Variants in IPO13 observed in about 807,000 individuals in gnomAD.
IPO13 encodes the protein importin 13.
IPO13 carries 28 observed loss-of-function variants against 115.5 expected under a neutral mutation model. The ratio of observed to expected loss-of-function variants is 0.24; its 90% CI spans 0.18 to 0.33. The LOEUF (loss-of-function observed/expected upper bound fraction) is 0.33. IPO13 is among the 10% of genes least tolerant of loss of function. IPO13 has a pLI of 1.00. For synonymous variants in IPO13, 414 were observed against 478.9 expected, an observed-to-expected ratio of 0.86 and a Z score of 1.77; for missense variants, 785 against 1,204.6, an observed-to-expected ratio of 0.65 and a Z score of 5.16.
In IPO13 at chr1:43,956,751, G is replaced by A. The variant is rs1327089156; in HGVS notation, c.1104+50G>A. On this transcript the variant is annotated intron_variant, in intron 4 of 19. Transcript: ENST00000372343. This position sits in a 1 kb window ranked among gnomAD's most constrained non-coding sequence, Gnocchi z 4.7. ...GACTGGGCTGTGGTGGAAGAAGGTG[G>A]ATCATGGGCTTCTATGACTGCTGGT... is the stretch of plus-strand genomic sequence containing the variant. The A allele has an allele frequency of 6.2e-7, 1 of 1,613,716 alleles. No individual in the cohort carries two copies. The highest frequency in any genetic ancestry group is 1.7e-5 in the Admixed American group (1 of 60,020).
rs2085248208 is a variant in IPO13 at position 43,956,351 on chromosome 1, C to T, written c.853C>T (p.Leu285=). ...GAACACACTCCTGAAACTCATCCCG[C>T]TGGTGCTGGGTCTGCAGGAACAACT... The part of the protein sequence containing the change: ...YVNTLLKLIP[L]VLGLQEQLRQ... The change falls in exon 3 of 20, where the codon CTG becomes TTG. Residue 285 remains leucine (L), a synonymous_variant. Coordinates refer to ENST00000372343, the MANE Select transcript of IPO13 (RefSeq NM_014652.4). This position sits in a 1 kb window ranked among gnomAD's most constrained non-coding sequence, Gnocchi z 4.7. The T allele has an allele frequency of 6.2e-7, 1 of 1,614,208 alleles. No homozygotes were observed. The highest frequency in any genetic ancestry group is 8.5e-7 in the Non-Finnish European group (1 of 1,180,032).
Position 43,967,761 on chromosome 1 carries a change from C to T in IPO13, c.*79C>T. 1 of 1,313,670 alleles carries T rather than the reference C, an allele frequency of 7.6e-7. No homozygotes were observed. Among genetic ancestry groups the T allele is most frequent in the Non-Finnish European group, 1.1e-6 (1 of 922,034 alleles). 81.4% of individuals were successfully genotyped at this position (1,313,670 alleles called of 1,614,324 possible). A position where few individuals can be genotyped will look rare whatever the true frequency, so the allele number is the denominator to read the frequency against. On this transcript the variant is annotated 3_prime_UTR_variant, in exon 20 of 20. Transcript: ENST00000372343. The surrounding 1 kb of genome is among the most constrained non-coding windows in gnomAD (Gnocchi z 6.1). ...AGTAAACCTGGACCCTCACTGCTGT[C>T]TCTGCCTCCTTTCTGCTGTCACCAC...
Position 43,966,601 on chromosome 1 carries a change from C to T in IPO13, c.2424C>T (p.Phe808=), listed in dbSNP as rs1392756884. 1.9e-6 allele frequency: 3 copies of T among 1,613,992 alleles called. No individual in the cohort carries two copies. Among genetic ancestry groups the T allele is most frequent in the Non-Finnish European group, 2.5e-6 (3 of 1,180,018 alleles). ...AQALKRKPDL[F]LCERLDVKAV... ...CTCTGAAGCGGAAGCCAGATTTGTT[C>T]CTGTGTGAACGATTGGATGTCAAAG... The change falls in exon 16 of 20, where the codon TTC becomes TTT. Residue 808 remains phenylalanine (F), a synonymous_variant. Transcript: ENST00000372343. This position sits in a 1 kb window ranked among gnomAD's most constrained non-coding sequence, Gnocchi z 4.1.
At position 43,952,495 on chromosome 1, in the gene IPO13, CA is replaced by C. The variant is rs1467048361; in HGVS notation, c.821+2343del. Among the ~76,000 whole-genome samples, 5 of 152,026 alleles carry C rather than the reference CA, an allele frequency of 3.3e-5. No individual in the cohort carries two copies. The highest frequency in any genetic ancestry group is 7.4e-5 in the Non-Finnish European group (5 of 68,014). On this transcript the variant is annotated intron_variant, in intron 2 of 19. Coordinates refer to ENST00000372343, the MANE Select transcript of IPO13 (RefSeq NM_014652.4). This position sits in a 1 kb window ranked among gnomAD's most constrained non-coding sequence, Gnocchi z 4.7. Reference sequence around the variant, plus strand: ...AACTGTTCATTTTTTTAAAGAGAAACATAGTTACTATTAAATGGATTAAGGC... The same window carrying C: ...AACTGTTCATTTTTTTAAAGAGAAACTAGTTACTATTAAATGGATTAAGGC...
At position 43,957,331 on chromosome 1, in the gene IPO13, G is replaced by A. The variant is rs1411519656; in HGVS notation, c.1392+16G>A. On this transcript the variant is annotated intron_variant, in intron 6 of 19. Transcript: ENST00000372343. ...CTCCTGGCAGGTACCTCCCAAGCCTGATTCCCTCAGCCTTCCCAGACCTGT... is the reference window on the plus strand; with the variant it reads ...CTCCTGGCAGGTACCTCCCAAGCCTAATTCCCTCAGCCTTCCCAGACCTGT... The A allele has an allele frequency of 6.2e-7, 1 of 1,613,414 alleles. No individual in the cohort carries two copies. Among genetic ancestry groups the A allele is most frequent in the East Asian group, 2.2e-5 (1 of 44,874 alleles).
rs374733701 is a variant in IPO13, at chr1:43,958,538, C to T, written c.1827C>T (p.Asn609=). The T allele has an allele frequency of 1.2e-6, 2 of 1,614,150 alleles. No individual in the cohort carries two copies. Among genetic ancestry groups the T allele is most frequent in the Non-Finnish European group, 1.7e-6 (2 of 1,180,026 alleles). ...TTCAAGTGGAGGAGATCCTTAAGAA[C>T]CTGCACTCGCTTATCTCACCCTATA... ...SALQVEEILK[N]LHSLISPYIQ... Residue 609 remains asparagine, a synonymous_variant, in exon 10 of 20, where the codon AAC becomes AAT. Transcript: ENST00000372343. This position sits in a 1 kb window ranked among gnomAD's most constrained non-coding sequence, Gnocchi z 6.3.
chr1:43,956,691 A>G lies in IPO13; in HGVS notation c.1094A>G (p.Tyr365Cys), dbSNP rs1557632361. The G allele has an allele frequency of 6.2e-7, 1 of 1,614,104 alleles. No homozygotes were observed. Among genetic ancestry groups the G allele is most frequent in the Non-Finnish European group, 8.5e-7 (1 of 1,180,044 alleles). ...AGCTCCCTAACCCTCACCTTCTGGT[A>G]CACACTGCAGGTGTGTCTGTGTGAC... ...TTSSLTLTFW[Y>C]TLQDDILSFE... Residue 365 changes from tyrosine to cysteine, a missense_variant, in exon 4 of 20, where the codon TAC becomes TGC. Transcript: ENST00000372343. The surrounding 1 kb of genome is among the most constrained non-coding windows in gnomAD (Gnocchi z 4.7).
chr1:43,959,532 G>A (rs1053733624), intron 11 of IPO13, among the ~76,000 whole-genome samples: 1 of 152,208 alleles, frequency 6.6e-6, no homozygotes, highest in Non-Finnish European at 1.5e-5. Flanking sequence ...AGTAGATGTG[G>A]TCTTAAGTGA....
At position 43,956,285 on chromosome 1, in the gene IPO13, G is replaced by C. The variant is rs1464319874; in HGVS notation, c.822-35G>C. 3.7e-6 allele frequency: 6 copies of C among 1,612,140 alleles called. No homozygotes were observed. The highest frequency in any genetic ancestry group is 5.1e-6 in the Non-Finnish European group (6 of 1,178,646). Reference sequence around the variant, plus strand: ...TAAAGCCAGTGTGGGGTTGAGCAGAGAGCTCTGATGGATTTTCTCACCTCA... The same window carrying C: ...TAAAGCCAGTGTGGGGTTGAGCAGACAGCTCTGATGGATTTTCTCACCTCA... On this transcript the variant is annotated intron_variant, in intron 2 of 19. Transcript: ENST00000372343. The surrounding 1 kb of genome is among the most constrained non-coding windows in gnomAD (Gnocchi z 4.7).
At position 43,966,799 on chromosome 1, in the gene IPO13, A is replaced by T; in HGVS notation, c.2523+17A>T. On this transcript the variant is annotated intron_variant, in intron 17 of 19. Coordinates refer to ENST00000372343, the MANE Select transcript of IPO13 (RefSeq NM_014652.4). This position sits in a 1 kb window ranked among gnomAD's most constrained non-coding sequence, Gnocchi z 4.1. ...GGCTTCTTTGTGAGTCCCATGCTGAACCCTGACCCACTGCCACCCCAGTGC... is the reference window on the plus strand; with the variant it reads ...GGCTTCTTTGTGAGTCCCATGCTGATCCCTGACCCACTGCCACCCCAGTGC... 6.2e-7 allele frequency: 1 copy of T among 1,613,478 alleles called. No homozygotes were observed.
intron 2 of IPO13, among the ~76,000 whole-genome samples, chr1:43,954,108 G>A (rs2085227760): frequency 6.6e-6 from 1 of 152,234 alleles, no homozygotes; most frequent in Admixed American, 6.5e-5. Context: ...TTAGAATACA[G>A]TGGGGAGCTA....
intron 1 of IPO13, 113 bp from the exon 2 acceptor site, chr1:43,949,304 G>GC: frequency 8.6e-7 from 1 of 1,165,028 alleles, no homozygotes; most frequent in Non-Finnish European, 1.2e-6. Context: ...TCCCTGCTCA[G>GC]CCCCCCAGTC....
At chr1:43,947,859 G>T (rs72890615) in intron 1 of IPO13, among the ~76,000 whole-genome samples, 175 bp downstream of exon 1, 5,089 of 152,270 alleles carry the variant, frequency 0.033, 318 homozygotes, top group African/African-American at 0.12. Flanking sequence ...GGCTATTTTT[G>T]TCTTTCCTTA....
In IPO13 at chr1:43,961,197, A is replaced by G. The variant is rs1046821861; in HGVS notation, c.2279A>G (p.His760Arg). 1.1e-5 allele frequency: 17 copies of G among 1,613,816 alleles called. No individual in the cohort carries two copies. Among genetic ancestry groups the G allele is most frequent in the Non-Finnish European group, 1.4e-5 (17 of 1,179,968 alleles). ...CACATCTTTGCTCATGAGCCTGCCC[A>G]CTTTCCCCCAATTGAGGCCCTCTTC... ...LVHIFAHEPAHFPPIEALFLL... is the reference protein window; with the variant it reads ...LVHIFAHEPARFPPIEALFLL... The change falls in exon 14 of 20, where the codon CAC becomes CGC. Residue 760 changes from histidine to arginine, a missense_variant. This residue lies in a region of IPO13 where 285 missense variants were observed against 394.8 expected (regional missense o/e 0.72). Transcript: ENST00000372343.
intron 11 of IPO13, among the ~76,000 whole-genome samples, chr1:43,959,329 G>T (rs2085274164): frequency 6.6e-6 from 1 of 152,188 alleles, no homozygotes; most frequent in Non-Finnish European, 1.5e-5. Context: ...CCTTCAAGTT[G>T]CTCCCAGTGT....
At position 43,947,118 on chromosome 1, in the gene IPO13, GC is replaced by G. The variant is rs2085172152; in HGVS notation, c.-481del. 4 of 398,780 alleles carry G rather than the reference GC, an allele frequency of 1.0e-5. No individual in the cohort carries two copies. Among genetic ancestry groups the G allele is most frequent in the Non-Finnish European group, 1.8e-5 (4 of 226,302 alleles). The allele number at this position is 398,780 out of a possible 1,614,324, so 24.7% of individuals were successfully genotyped here. A position where few individuals can be genotyped will look rare whatever the true frequency, so the allele number is the denominator to read the frequency against. ...GCTGCATCTCCGCGCTTCGTTGGAC[GC>G]CTCCGTAACCACGAAGGGCTCTCTC... On this transcript the variant is annotated 5_prime_UTR_variant, in exon 1 of 20. Transcript: ENST00000372343.
intron 2 of IPO13, among the ~76,000 whole-genome samples, chr1:43,954,678 C>A (rs1288803213): frequency 6.6e-6 from 1 of 152,212 alleles, no homozygotes; most frequent in Non-Finnish European, 1.5e-5. Flanking sequence ...CCTTTGTATA[C>A]TGGGCTGTCT....
At chr1:43,948,201 T>C (rs979817591) in intron 1 of IPO13, among the ~76,000 whole-genome samples, 1 of 152,214 alleles carries the variant, frequency 6.6e-6, no homozygotes, top group Non-Finnish European at 1.5e-5. Flanking sequence ...CCTGGGGCTG[T>C]CTCCCTTTGT....
chr1:43,950,192 G>T, intron 2 of IPO13, 39 bp downstream of exon 2: 1 of 1,561,958 alleles, frequency 6.4e-7, no homozygotes, highest in South Asian at 1.2e-5. Context: ...CAACCTCTTT[G>T]GCCAGCCACA....
Sources: allele counts gnomAD v4.1 joint callset (sites outside exome capture counted in the v4.1 genomes callset), GRCh38; gene constraint gnomAD v4.1.1; regional missense constraint gnomAD v4.1.1; non-coding constraint Gnocchi (gnomAD v3.1); transcripts MANE v1.5; gene names NCBI Gene and HGNC (gene_info 2026-07-23, HGNC 2026-07-21).